The following PDGFC variants were observed in gnomAD, a reference collection of about 807,000 sequenced individuals.
PDGFC encodes platelet derived growth factor C, also known as platelet-derived growth factor C.
In PDGFC, 12 loss-of-function variants were observed where a neutral mutation model predicts 35.5. That is an observed-to-expected ratio of 0.34 (90% CI 0.22 to 0.55). The LOEUF (loss-of-function observed/expected upper bound fraction) is 0.55. Among genes scored for constraint, PDGFC ranks in the 20% least tolerant of loss-of-function variants. PDGFC has a pLI of 0.91. For missense variants in PDGFC, 322 were observed against 412.4 expected, an observed-to-expected ratio of 0.78 and a Z score of 1.90; for synonymous variants, 159 against 148.8, an observed-to-expected ratio of 1.07 and a Z score of -0.50.
At chr4:156,768,430 A>G (rs781709650) in intron 4 of PDGFC, among the ~76,000 whole-genome samples, 12 of 152,096 alleles carry the variant, frequency 7.9e-5, no homozygotes, top group Non-Finnish European at 1.8e-4. Flanking sequence ...GGCTCATACA[A>G]TTAGTGAAGA....
At chr4:156,804,391 T>C (rs895868374) in intron 3 of PDGFC, among the ~76,000 whole-genome samples, 17 of 152,058 alleles carry the variant, frequency 1.1e-4, no homozygotes, top group African/African-American at 4.1e-4. Flanking sequence ...GTAACAAGCA[T>C]TTTTAATATG....
chr4:156,956,176 T>C (rs1732203849), intron 1 of PDGFC, among the ~76,000 whole-genome samples: 1 of 151,976 alleles, frequency 6.6e-6, no homozygotes, highest in South Asian at 2.1e-4. Flanking sequence ...TTTGAAAGAG[T>C]TGGCAGAGCA....
At chr4:156,851,741 A>C (rs904653197) in intron 1 of PDGFC, among the ~76,000 whole-genome samples, 15 of 151,804 alleles carry the variant, frequency 9.9e-5, no homozygotes, top group African/African-American at 3.6e-4. Context: ...CAGGAGATCG[A>C]GACCACGGTG....
intron 1 of PDGFC, among the ~76,000 whole-genome samples, chr4:156,915,882 A>G (rs1323372997): frequency 2.6e-5 from 4 of 152,144 alleles, no homozygotes; most frequent in Admixed American, 2.0e-4. Context: ...AAAGAATAGA[A>G]GCAACGGCTT....
chr4:156,933,035 G>A (rs199929747), intron 1 of PDGFC, among the ~76,000 whole-genome samples: 248 of 152,230 alleles, frequency 1.6e-3, no homozygotes, highest in Middle Eastern at 3.4e-3. Flanking sequence ...AGTCTCTGCC[G>A]CTCCCTACCT....
intron 1 of PDGFC, among the ~76,000 whole-genome samples, chr4:156,934,003 G>T (rs939478799): frequency 3.9e-5 from 6 of 152,148 alleles, no homozygotes; most frequent in African/African-American, 1.4e-4. Context: ...GTGTGAAAAT[G>T]AACTAACACA....
At chr4:156,824,502 G>C (rs761526763) in intron 2 of PDGFC, among the ~76,000 whole-genome samples, 5 of 151,400 alleles carry the variant, frequency 3.3e-5, no homozygotes, top group Non-Finnish European at 7.4e-5. Context: ...CAAAAATATT[G>C]AGTACTTAAT....
intron 1 of PDGFC, among the ~76,000 whole-genome samples, chr4:156,901,672 A>C (rs758360756): frequency 9.9e-5 from 15 of 152,012 alleles, no homozygotes; most frequent in Non-Finnish European, 1.6e-4. Context: ...TCCAGGCTGG[A>C]GTGCCAGTGG....
chr4:156,808,659 G>A (rs951914964), intron 3 of PDGFC, among the ~76,000 whole-genome samples: 10 of 151,856 alleles, frequency 6.6e-5, no homozygotes, highest in Admixed American at 3.9e-4. Flanking sequence ...GGGTGGAGGG[G>A]GTGCATGGAG....
intron 3 of PDGFC, among the ~76,000 whole-genome samples, chr4:156,784,626 A>C (rs1731072377): frequency 6.6e-6 from 1 of 152,208 alleles, no homozygotes; most frequent in Non-Finnish European, 1.5e-5. Flanking sequence ...AAGATTAGAA[A>C]AAAGCTTAAT....
chr4:156,960,252 TTATATA>T (rs202066963), intron 1 of PDGFC, among the ~76,000 whole-genome samples: 32 of 137,124 alleles, frequency 2.3e-4, no homozygotes, highest in African/African-American at 8.3e-4. Context: ...TATATAACTG[TTATATA>T]TATATATATA....
intron 1 of PDGFC, among the ~76,000 whole-genome samples, chr4:156,917,266 C>T (rs1233277124): frequency 1.3e-5 from 2 of 152,166 alleles, no homozygotes; most frequent in African/African-American, 4.8e-5. Flanking sequence ...TAGAAACCGT[C>T]CCAAAGGTCA....
At chr4:156,961,248 A>T (rs1732336097) in intron 1 of PDGFC, among the ~76,000 whole-genome samples, 1 of 152,106 alleles carries the variant, frequency 6.6e-6, no homozygotes, top group Non-Finnish European at 1.5e-5. Flanking sequence ...AAGATAAATA[A>T]TTATGACTAC....
At chr4:156,960,137 A>G (rs1732307082) in intron 1 of PDGFC, among the ~76,000 whole-genome samples, 1 of 151,488 alleles carries the variant, frequency 6.6e-6, no homozygotes, top group Non-Finnish European at 1.5e-5. Flanking sequence ...CCAGATTGTG[A>G]CCTGGGAAAT....
At chr4:156,965,299 C>T (rs781744591) in intron 1 of PDGFC, among the ~76,000 whole-genome samples, 19 of 152,116 alleles carry the variant, frequency 1.2e-4, no homozygotes, top group Non-Finnish European at 2.6e-4. Flanking sequence ...ACTCATCGGG[C>T]ACACTCTGCC....
intron 1 of PDGFC, among the ~76,000 whole-genome samples, chr4:156,904,046 A>AAT (rs1466207487): frequency 6.6e-6 from 1 of 152,152 alleles, no homozygotes; most frequent in African/African-American, 2.4e-5. Context: ...ACAATAATTG[A>AAT]TTTTGTAAAT....
chr4:156,941,819 T>C (rs962730781), intron 1 of PDGFC, among the ~76,000 whole-genome samples: 7 of 152,040 alleles, frequency 4.6e-5, no homozygotes, highest in African/African-American at 1.2e-4. Context: ...TCCTGAGATA[T>C]GTGATCAAAA....
At chr4:156,833,307 C>A (rs900595336) in intron 2 of PDGFC, among the ~76,000 whole-genome samples, 3 of 152,192 alleles carry the variant, frequency 2.0e-5, no homozygotes, top group African/African-American at 7.2e-5. Flanking sequence ...GTAACTCAGG[C>A]TTCTTTAGTA....
intron 3 of PDGFC, among the ~76,000 whole-genome samples, chr4:156,801,682 G>A (rs945593965): frequency 6.6e-6 from 1 of 152,098 alleles, no homozygotes; most frequent in African/African-American, 2.4e-5. Flanking sequence ...TCTTTAATAT[G>A]CACATCAATA....
Sources: allele counts gnomAD v4.1 joint callset (sites outside exome capture counted in the v4.1 genomes callset), GRCh38; gene constraint gnomAD v4.1.1; transcripts MANE v1.5; gene names NCBI Gene and HGNC (gene_info 2026-07-23, HGNC 2026-07-21).